The following AMOTL1 variants were observed in gnomAD, a reference collection of about 807,000 sequenced individuals.
The protein encoded by AMOTL1 is angiomotin-like protein 1.
A neutral mutation model predicts 102.9 loss-of-function variants in AMOTL1; 45 were observed. The ratio of observed to expected loss-of-function variants is 0.44; its 90% CI spans 0.34 to 0.56. The LOEUF (loss-of-function observed/expected upper bound fraction) is 0.56. Among genes scored for constraint, AMOTL1 ranks in the 20% least tolerant of loss-of-function variants. The probability of loss-of-function intolerance (pLI) is 0.01; values close to 1 mark genes in which losing one functional copy is unlikely to be tolerated. For synonymous variants in AMOTL1, 481 were observed against 484.7 expected, an observed-to-expected ratio of 0.99 and a Z score of 0.10; for missense variants, 1,114 against 1,225.6, an observed-to-expected ratio of 0.91 and a Z score of 1.36.
chr11:94,869,193 C>A lies in AMOTL1; in HGVS notation c.2489-5C>A, dbSNP rs1314581131. ...AATGTTGAAAAATCTGTTCTCTGCC[C>A]TCAGGATTGCTGCTGGGGAAGGAGC... On this transcript the variant is annotated splice_region_variant and splice_polypyrimidine_tract_variant and intron_variant, in intron 11 of 12. Transcript: ENST00000433060. 6.3e-7 allele frequency: 1 copy of A among 1,582,990 alleles called. No homozygotes were observed. The highest frequency in any genetic ancestry group is 1.4e-5 in the African/African-American group (1 of 74,042).
At chr11:94,763,774 G>A (rs1591941240), upstream of AMOTL1, among the ~76,000 whole-genome samples, 1 of 152,282 alleles carries the variant, frequency 6.6e-6, no homozygotes, top group Non-Finnish European at 1.5e-5. Context: ...TGAGGAGGAG[G>A]AAGAAGGGGG....
chr11:94,795,076 T>C lies in AMOTL1; in HGVS notation c.115T>C (p.Ser39Pro), dbSNP rs760943811. 1.2e-6 allele frequency: 2 copies of C among 1,613,722 alleles called. No homozygotes were observed. The highest frequency in any genetic ancestry group is 1.7e-6 in the Non-Finnish European group (2 of 1,179,880). ...GGTTCTAGAAGACTCCACCTACTTT[T>C]CCCCAGACTTTCAGCTCTATTCTGG... ...VQVLEDSTYFSPDFQLYSGRH... is the reference protein window; with the variant it reads ...VQVLEDSTYFPPDFQLYSGRH... Residue 39 changes from serine (S) to proline (P), a missense_variant, in exon 2 of 13, where the codon TCC (serine) becomes CCC (proline). Coordinates refer to ENST00000433060, the MANE Select transcript of AMOTL1 (RefSeq NM_130847.3).
intron 2 of AMOTL1, among the ~76,000 whole-genome samples, chr11:94,740,512 GCCGCGCGCCCTCGGGC>G (rs1950504615): frequency 6.6e-6 from 1 of 151,678 alleles, no homozygotes; most frequent in Admixed American, 6.6e-5. Context: ...CGCCGCCGCC[GCCGCGCGCCCTCGGGC>G]CCCCGGGACC....
chr11:94,831,666 A>G, intron 6 of AMOTL1, 125 bp downstream of exon 6: 2 of 804,406 alleles, frequency 2.5e-6, no homozygotes, highest in Non-Finnish European at 4.0e-6. Flanking sequence ...TTTAGCATAC[A>G]ACCTATTGAT....
chr11:94,781,780 A>G lies in AMOTL1; in HGVS notation c.49+13220A>G, dbSNP rs552040127. The stretch of plus-strand genomic sequence containing the variant: ...AACCTGGGAGGCAGAGGTTGCAGTG[A>G]GCCGAGATCGTGCCACTGCACTCCA... On this transcript the variant is annotated intron_variant, in intron 1 of 12. Transcript: ENST00000433060. 2.0e-5 allele frequency among the ~76,000 whole-genome samples: 3 copies of G among 152,178 alleles called. No homozygotes were observed. The South Asian group carries it at 6.2e-4, about 32-fold the overall frequency.
chr11:94,800,392 G>T, intron 3 of AMOTL1, 81 bp downstream of exon 3: 2 of 1,444,632 alleles, frequency 1.4e-6, no homozygotes, highest in Non-Finnish European at 1.9e-6. Flanking sequence ...TTTCAGAGCA[G>T]ATTAGGTTTT....
At chr11:94,836,205 A>G (rs1288635843) in intron 6 of AMOTL1, among the ~76,000 whole-genome samples, 1 of 152,192 alleles carries the variant, frequency 6.6e-6, no homozygotes, top group African/African-American at 2.4e-5. Context: ...ATTATTTTGA[A>G]TCCTCATTAG....
intron 2 of AMOTL1, among the ~76,000 whole-genome samples, chr11:94,734,917 T>G (rs61893466): frequency 0.065 from 9,831 of 152,256 alleles, 391 homozygotes; most frequent in Middle Eastern, 0.088. Flanking sequence ...CTGTCTTAAC[T>G]TGTTATTATG....
chr11:94,863,829 G>T lies in AMOTL1; in HGVS notation c.2136-906G>T, dbSNP rs529346978. ...GTGGCAGGAATAGTTATCTGTGACT[G>T]GTTGTTTATAGTCAGACAGATGCTT... On this transcript the variant is annotated intron_variant, in intron 9 of 12. Coordinates refer to ENST00000433060, the MANE Select transcript of AMOTL1 (RefSeq NM_130847.3). 2.6e-5 allele frequency among the ~76,000 whole-genome samples: 4 copies of T among 152,300 alleles called. No individual in the cohort carries two copies. In the East Asian group the frequency reaches 5.8e-4, roughly 22 times the overall value.
chr11:94,752,201 C>T (rs1950664392), intron 3 of AMOTL1, among the ~76,000 whole-genome samples: 1 of 152,160 alleles, frequency 6.6e-6, no homozygotes, highest in Admixed American at 6.5e-5. Context: ...CTCTCCTTTT[C>T]TCACTCTCTT....
intron 3 of AMOTL1, among the ~76,000 whole-genome samples, chr11:94,745,393 G>A (rs1424001185): frequency 6.6e-6 from 1 of 151,852 alleles, no homozygotes; most frequent in East Asian, 1.9e-4. Context: ...TCAGCCACCA[G>A]TTATCTCATT....
rs79161438 is a variant in AMOTL1 at position 94,748,236 on chromosome 11, T to A, written c.136+7248T>A. On this transcript the variant is annotated intron_variant, in intron 3 of 4. Transcript: ENST00000299004. ...CAGTGCTGATCTGGTGGCTTCAGGG[T>A]GCACTATATCCTCAAAAGTAATTTC... is the stretch of plus-strand genomic sequence containing the variant. Among the ~76,000 whole-genome samples, 1,215 of 152,316 alleles carry A rather than the reference T, an allele frequency of 8.0e-3. 21 individuals carry two copies. Among genetic ancestry groups the A allele is most frequent in the African/African-American group, 0.028 (1,158 of 41,576 alleles).
chr11:94,763,689 G>C (rs974359419), upstream of AMOTL1, among the ~76,000 whole-genome samples: 5 of 152,124 alleles, frequency 3.3e-5, no homozygotes, highest in African/African-American at 1.2e-4. Flanking sequence ...AAAAGAAAAT[G>C]TTATTAAGAA....
rs201022365 is a variant in AMOTL1, at chr11:94,831,404, C to T, written c.1559-48C>T. On this transcript the variant is annotated intron_variant, in intron 5 of 12. Coordinates refer to ENST00000433060, the MANE Select transcript of AMOTL1 (RefSeq NM_130847.3). ...ATTTCATTTCTTGGTTAGATGATGA[C>T]TTCAATCCATATACATTTCTTTGTA... The T allele has an allele frequency of 1.4e-5, 20 of 1,473,996 alleles. No individual in the cohort carries two copies. The African/African-American group carries it at 2.4e-4, about 17-fold the overall frequency. The allele number at this position is 1,473,996 out of a possible 1,614,324, so 91.3% of individuals were successfully genotyped here.
rs138041464 is a variant in AMOTL1 at position 94,772,110 on chromosome 11, A to G, written c.49+3550A>G. Among the ~76,000 whole-genome samples, 628 of 152,320 alleles carry G rather than the reference A, an allele frequency of 4.1e-3. 13 individuals are homozygous for G. The highest frequency in any genetic ancestry group is 0.034 in the South Asian group (166 of 4,822). The stretch of plus-strand genomic sequence containing the variant: ...GAGAGGTCCTGTGTACCCTTCACCC[A>G]GTTTCCCCCATTGGTAACATCTTAC... On this transcript the variant is annotated intron_variant, in intron 1 of 12. Transcript: ENST00000433060.
intron 11 of AMOTL1, 110 bp downstream of exon 11, chr11:94,866,278 C>A: frequency 9.1e-7 from 1 of 1,104,320 alleles, no homozygotes. Context: ...TCTCAGTTTA[C>A]TCATCTGTGA....
In AMOTL1 at chr11:94,869,835, A is replaced by G. The variant is rs543936711; in HGVS notation, c.2764+362A>G. The stretch of plus-strand genomic sequence containing the variant: ...CCAGGTACATCAAAGGCACAAGTTC[A>G]CTGTTGCCTTCAGGGCTCTAACTTA... On this transcript the variant is annotated intron_variant, in intron 12 of 12. Transcript: ENST00000433060. 3.9e-5 allele frequency among the ~76,000 whole-genome samples: 6 copies of G among 152,302 alleles called. No homozygotes were observed. In the East Asian group the frequency reaches 1.2e-3, roughly 29 times the overall value.
intron 6 of AMOTL1, among the ~76,000 whole-genome samples, chr11:94,832,544 G>C (rs1952094806): frequency 6.6e-6 from 1 of 152,100 alleles, no homozygotes; most frequent in Non-Finnish European, 1.5e-5. Flanking sequence ...TTTGCAAATG[G>C]ACACTAATAC....
At chr11:94,824,650 C>T (rs1432141797) in intron 4 of AMOTL1, among the ~76,000 whole-genome samples, 1 of 152,162 alleles carries the variant, frequency 6.6e-6, no homozygotes, top group Non-Finnish European at 1.5e-5. Flanking sequence ...AGTGTAGCTG[C>T]CTGAGCCTTA....
Sources: gnomAD v4.1 joint callset for allele counts (sites outside exome capture counted in the v4.1 genomes callset) on GRCh38, gnomAD v4.1.1 for gene constraint, MANE v1.5 for transcripts, NCBI Gene and HGNC (gene_info 2026-07-23, HGNC 2026-07-21) for gene names.